The following ZNF845 variants were observed in gnomAD, a reference collection of about 807,000 sequenced individuals.
ZNF845 encodes the protein zinc finger protein 845.
A neutral mutation model predicts 76.1 loss-of-function variants in ZNF845; 59 were observed. The ratio of observed to expected loss-of-function variants is 0.78; its 90% CI spans 0.63 to 0.96. The LOEUF (loss-of-function observed/expected upper bound fraction) is 0.96, where lower values mean the gene tolerates loss of function less well. ZNF845 is among the 40% of genes least tolerant of loss of function. The pLI, the probability that ZNF845 is intolerant of heterozygous loss-of-function variation, is 0.00. For synonymous variants in ZNF845, 361 were observed against 386.9 expected, an observed-to-expected ratio of 0.93 and a Z score of 0.78; for missense variants, 1,045 against 1,172.8, an observed-to-expected ratio of 0.89 and a Z score of 1.59.
chr19:53,336,140 A>G (rs1391889635), intron 1 of ZNF845, among the ~76,000 whole-genome samples: 1 of 149,898 alleles, frequency 6.7e-6, no homozygotes, highest in African/African-American at 2.5e-5. Flanking sequence ...TGAACCCAGG[A>G]GGCGGAGGTT....
chr19:53,344,015 T>C (rs1479871635), intron 2 of ZNF845, among the ~76,000 whole-genome samples: 1 of 151,872 alleles, frequency 6.6e-6, no homozygotes, highest in African/African-American at 2.4e-5. Flanking sequence ...GAGTCTCTGT[T>C]ACCCAGGCTG....
rs149211441 is a variant in ZNF845 at position 53,343,452 on chromosome 19, T to C, written c.16-2054T>C. ...AGGCGGTTGAAAGGGTGATTGCTTC[T>C]TCTAGGATGGGGCATTCCCTGTTTT... On this transcript the variant is annotated intron_variant, in intron 2 of 3. Coordinates refer to ENST00000458035, the MANE Select transcript of ZNF845 (RefSeq NM_138374.3). Among the ~76,000 whole-genome samples the C allele has an allele frequency of 4.5e-3, 689 of 152,322 alleles. 5 individuals are homozygous for C. Among genetic ancestry groups the C allele is most frequent in the Middle Eastern group, 0.024 (7 of 294 alleles).
At position 53,345,920 on chromosome 19, in the gene ZNF845, T is replaced by C. The variant is rs569410943; in HGVS notation, c.142+288T>C. On this transcript the variant is annotated intron_variant, in intron 3 of 3. Coordinates refer to ENST00000458035, the MANE Select transcript of ZNF845 (RefSeq NM_138374.3). ...TACAAACAAGGTCTTCCTGTGTTGT[T>C]GAAGCTGGTCTTGGTCTCCTGGGCT... Among the ~76,000 whole-genome samples the C allele has an allele frequency of 3.3e-5, 5 of 152,058 alleles. No homozygotes were observed. In the East Asian group the frequency reaches 9.7e-4, roughly 29 times the overall value.
rs373977075 is a variant in ZNF845, at chr19:53,351,181, A to G, written c.506A>G (p.Asn169Ser). The G allele has an allele frequency of 1.9e-6, 3 of 1,614,272 alleles. No homozygotes were observed. Among genetic ancestry groups the G allele is most frequent in the East Asian group, 2.2e-5 (1 of 44,888 alleles). ...GGTAATCAAGTTGAGAAGTCTATCA[A>G]CAGTGCTTCGTTGGTTTCAACATCC... ...KIGNQVEKSI[N>S]SASLVSTSQR... Residue 169 changes from asparagine to serine, a missense_variant, in exon 4 of 4, where the codon AAC becomes AGC. By Grantham distance (46) the Asn-to-Ser change is conservative. Transcript: ENST00000458035.
intron 3 of ZNF845, among the ~76,000 whole-genome samples, chr19:53,345,883 T>G (rs2085293001): frequency 6.6e-6 from 1 of 151,854 alleles, no homozygotes; most frequent in Non-Finnish European, 1.5e-5. Context: ...AGTTGTTGTT[T>G]TTGTTTTTGT....
In ZNF845 at chr19:53,353,837, T is replaced by C. The variant is rs1209642063; in HGVS notation, c.*249T>C. ...GGCAATCCATGGTATAGGGAAACTTTACTAATGTAATGATTATCACAAAGT... is the reference window on the plus strand; with the variant it reads ...GGCAATCCATGGTATAGGGAAACTTCACTAATGTAATGATTATCACAAAGT... On this transcript the variant is annotated 3_prime_UTR_variant, in exon 4 of 4. Coordinates refer to ENST00000458035, the MANE Select transcript of ZNF845 (RefSeq NM_138374.3). The C allele has an allele frequency of 2.1e-6, 3 of 1,398,868 alleles. No homozygotes were observed. The highest frequency in any genetic ancestry group is 1.4e-5 in the African/African-American group (1 of 69,428). 86.7% of individuals were successfully genotyped at this position (1,398,868 alleles called of 1,614,324 possible).
intron 1 of ZNF845, among the ~76,000 whole-genome samples, chr19:53,334,730 C>A (rs1487733644): frequency 7.6e-6 from 1 of 132,432 alleles, no homozygotes; most frequent in East Asian, 2.2e-4. Flanking sequence ...GTGAGACCCC[C>A]CCCCCCATCT....
In ZNF845 at chr19:53,343,867, C is replaced by T. The variant is rs1294748257; in HGVS notation, c.16-1639C>T. Among the ~76,000 whole-genome samples, 5 of 152,046 alleles carry T rather than the reference C, an allele frequency of 3.3e-5. No individual in the cohort carries two copies. In the East Asian group the frequency reaches 7.7e-4, roughly 23 times the overall value. ...ACTGGGTGTCACTGTGCTGCCGAGG[C>T]TGGAGCACAGTGGCGCGATCTTAGC... On this transcript the variant is annotated intron_variant, in intron 2 of 3. Transcript: ENST00000458035.
At chr19:53,340,356 C>T (rs528632463) in intron 1 of ZNF845, among the ~76,000 whole-genome samples, 2 of 152,280 alleles carry the variant, frequency 1.3e-5, no homozygotes, top group African/African-American at 4.8e-5. Context: ...CCAGCCTCAT[C>T]TCGTGGCTTT....
At chr19:53,343,699 G>A (rs2085273387) in intron 2 of ZNF845, among the ~76,000 whole-genome samples, 1 of 151,986 alleles carries the variant, frequency 6.6e-6, no homozygotes, top group African/African-American at 2.4e-5. Flanking sequence ...TTGAATATCT[G>A]GGGGAAATGA....
chr19:53,352,753 G>A lies in ZNF845; in HGVS notation c.2078G>A (p.Cys693Tyr), dbSNP rs780753861. 1.9e-6 allele frequency: 3 copies of A among 1,614,186 alleles called. No homozygotes were observed. Among genetic ancestry groups the A allele is most frequent in the Non-Finnish European group, 2.5e-6 (3 of 1,180,012 alleles). The change falls in exon 4 of 4, where the codon TGT (cysteine) becomes TAT (tyrosine). Residue 693 changes from cysteine (C) to tyrosine (Y), a missense_variant. Cys to Tyr is a radical substitution (Grantham distance 194, BLOSUM62 -2). Coordinates refer to ENST00000458035, the MANE Select transcript of ZNF845 (RefSeq NM_138374.3). ...CATACTGGAGAGAAACCTTACAAGT[G>A]TAATGAGTGTGGCAAGACCTTCGGT... Reference protein sequence around the residue: ...RLHTGEKPYKCNECGKTFGRN... With the variant: ...RLHTGEKPYKYNECGKTFGRN...
At chr19:53,342,701 T>G (rs913406054) in intron 2 of ZNF845, among the ~76,000 whole-genome samples, 1 of 152,188 alleles carries the variant, frequency 6.6e-6, no homozygotes, top group Non-Finnish European at 1.5e-5. Flanking sequence ...ATGGTTTTAC[T>G]TTAGGTTTGG....
At chr19:53,335,739 A>G (rs981467806) in intron 1 of ZNF845, among the ~76,000 whole-genome samples, 1 of 152,120 alleles carries the variant, frequency 6.6e-6, no homozygotes, top group African/African-American at 2.4e-5. Flanking sequence ...AGTAGCTGGG[A>G]TTACAGGCAT....
chr19:53,350,885 C>T lies in ZNF845; in HGVS notation c.210C>T (p.His70=), dbSNP rs2085328121. ...STAQGNTEVI[H]TGTLQRHERH... is the part of the protein sequence containing the mutation. ...CACAAGGCAATACAGAAGTGATCCACACAGGGACATTGCAAAGACATGAAC... is the reference window on the plus strand; with the variant it reads ...CACAAGGCAATACAGAAGTGATCCATACAGGGACATTGCAAAGACATGAAC... Residue 70 remains histidine (H), a synonymous_variant, in exon 4 of 4, where the codon CAC becomes CAT. Coordinates refer to ENST00000458035, the MANE Select transcript of ZNF845 (RefSeq NM_138374.3). 4.3e-6 allele frequency: 7 copies of T among 1,614,128 alleles called. No individual in the cohort carries two copies. The highest frequency in any genetic ancestry group is 5.9e-6 in the Non-Finnish European group (7 of 1,180,036).
Position 53,352,602 on chromosome 19 carries a change from G to A in ZNF845, c.1927G>A (p.Ala643Thr). 1 of 1,613,064 alleles carries A rather than the reference G, an allele frequency of 6.2e-7. No homozygotes were observed. The highest frequency in any genetic ancestry group is 8.5e-7 in the Non-Finnish European group (1 of 1,179,634). ...TTACAAATGTGAAGAATGTGATGAA[G>A]CTTTCAGTTTCAAATCAAACCTTCA... ...KPYKCEECDE[A>T]FSFKSNLQRH... The change falls in exon 4 of 4, where the codon GCT (alanine) becomes ACT (threonine). Residue 643 changes from alanine to threonine, a missense_variant. Ala to Thr is a moderately conservative substitution (Grantham distance 58). Transcript: ENST00000458035.
intron 2 of ZNF845, among the ~76,000 whole-genome samples, chr19:53,342,113 T>C (rs1331316129): frequency 6.6e-6 from 1 of 150,552 alleles, no homozygotes; most frequent in African/African-American, 2.4e-5. Flanking sequence ...TATATTATTA[T>C]AATATTATTA....
chr19:53,352,870 C>T lies in ZNF845; in HGVS notation c.2195C>T (p.Ser732Leu), dbSNP rs1568743439. ...TGTGGCAAGGCCTTCAGTCAGAAGT[C>T]ATCCCTTACATGCCATCTTAGACTT... is the stretch of plus-strand genomic sequence containing the variant. ...NECGKAFSQKSSLTCHLRLHT... is the reference protein window; with the variant it reads ...NECGKAFSQKLSLTCHLRLHT... Residue 732 changes from serine to leucine, a missense_variant, in exon 4 of 4, where the codon TCA becomes TTA. By Grantham distance (145) the Ser-to-Leu change is moderately radical (BLOSUM62 -2). Coordinates refer to ENST00000458035, the MANE Select transcript of ZNF845 (RefSeq NM_138374.3). 6.2e-7 allele frequency: 1 copy of T among 1,614,006 alleles called. No homozygotes were observed. Among genetic ancestry groups the T allele is most frequent in the Non-Finnish European group, 8.5e-7 (1 of 1,179,994 alleles).
In ZNF845 at chr19:53,351,241, C is replaced by T. The variant is rs138639565; in HGVS notation, c.566C>T (p.Ser189Phe). Residue 189 changes from serine (S) to phenylalanine (F), a missense_variant, in exon 4 of 4, where the codon TCT (serine) becomes TTT (phenylalanine). Coordinates refer to ENST00000458035, the MANE Select transcript of ZNF845 (RefSeq NM_138374.3). ...TCTTGTAGGCCTAAAACCCACATTT[C>T]TAAGAACTATGGGAATAATTTCCTG... is the stretch of plus-strand genomic sequence containing the variant. ...RISCRPKTHI[S>F]KNYGNNFLNS... The T allele has an allele frequency of 6.2e-7, 1 of 1,614,230 alleles. No individual in the cohort carries two copies. Among genetic ancestry groups the T allele is most frequent in the East Asian group, 2.2e-5 (1 of 44,890 alleles).
Position 53,351,540 on chromosome 19 carries a change from C to G in ZNF845, c.865C>G (p.His289Asp), listed in dbSNP as rs1433361946. ...TFSQELTLTC[H>D]HRLHTGEKHY... is the part of the protein sequence containing the mutation. ...CAGTCAGGAGTTAACCCTTACATGC[C>G]ATCATAGACTTCATACTGGAGAGAA... Residue 289 changes from histidine (H) to aspartate (D), a missense_variant, in exon 4 of 4, where the codon CAT becomes GAT. Coordinates refer to ENST00000458035, the MANE Select transcript of ZNF845 (RefSeq NM_138374.3). The G allele has an allele frequency of 6.2e-7, 1 of 1,614,144 alleles. No individual in the cohort carries two copies. Among genetic ancestry groups the G allele is most frequent in the East Asian group, 2.2e-5 (1 of 44,874 alleles).
Sources: allele counts gnomAD v4.1 joint callset (sites outside exome capture counted in the v4.1 genomes callset), GRCh38; gene constraint gnomAD v4.1.1; transcripts MANE v1.5; gene names NCBI Gene and HGNC (gene_info 2026-07-23, HGNC 2026-07-21).